Variants in APTX observed in about 807,000 individuals in gnomAD.
The protein encoded by APTX is forkhead-associated domain histidine triad-like protein.
In APTX, 33 loss-of-function variants were observed where a neutral mutation model predicts 42.3. That is an observed-to-expected ratio of 0.78 (90% CI 0.59 to 1.04). The LOEUF is 1.04. Among genes scored for constraint, APTX ranks in the 50% least tolerant of loss-of-function variants. The probability of loss-of-function intolerance (pLI) is 0.00; values close to 1 mark genes in which losing one functional copy is unlikely to be tolerated. For synonymous variants in APTX, 130 were observed against 146.7 expected (o/e 0.89, Z 0.82); for missense variants, 421 against 415.1 (o/e 1.01, Z -0.12).
chr9:32,989,622 G>A (rs1322920858), intron 2 of APTX, 137 bp downstream of exon 2: 2 of 1,323,106 alleles, frequency 1.5e-6, no homozygotes, highest in South Asian at 1.2e-5. Context: ...CCTGGTGTTG[G>A]CTAAAAGAGC....
chr9:32,995,559 C>G lies in APTX; in HGVS notation c.-4-5664G>C, dbSNP rs138700129. Among the ~76,000 whole-genome samples, 43 of 152,310 alleles carry G rather than the reference C, an allele frequency of 2.8e-4. No homozygotes were observed. The East Asian group carries it at 5.6e-3, about 20-fold the overall frequency. ...AGAAAACGGTCTCTTGAGATGAAAT[C>G]TATTCCTGATGAAGATGTAATGAAC... is the stretch of plus-strand genomic sequence containing the variant. On this transcript the variant is annotated intron_variant, in intron 1 of 7. Coordinates refer to ENST00000379817, the MANE Select transcript of APTX (RefSeq NM_001195248.2).
In APTX at chr9:32,973,568, T is replaced by A. The variant is rs1424953679; in HGVS notation, c.959A>T (p.His320Leu). 3.1e-5 allele frequency: 50 copies of A among 1,613,920 alleles called. No individual in the cohort carries two copies. The highest frequency in any genetic ancestry group is 4.2e-5 in the Non-Finnish European group (50 of 1,179,992). ...GGAAGGCAGCAGCTGCTGGCACTCA[T>A]GACAACGAAGGGGCAGCTTCAAGAG... ...PELLKLPLRC[H>L]ECQQLLPSIP... Residue 320 changes from histidine (H) to leucine (L), a missense_variant, in exon 8 of 8, where the codon CAT becomes CTT. His to Leu is a moderately conservative substitution (Grantham distance 99, BLOSUM62 -3). Coordinates refer to ENST00000379817, the MANE Select transcript of APTX (RefSeq NM_001195248.2).
chr9:32,998,475 GC>G (rs545950471), intron 1 of APTX, among the ~76,000 whole-genome samples: 2 of 152,106 alleles, frequency 1.3e-5, no homozygotes, highest in Non-Finnish European at 2.9e-5. Flanking sequence ...CAACCCAAAT[GC>G]CCATCAATGA....
chr9:33,000,591 T>C (rs140230717), intron 1 of APTX, among the ~76,000 whole-genome samples: 10,371 of 126,424 alleles, frequency 0.082, 506 homozygotes, highest in Non-Finnish European at 0.11. Context: ...ACGCCGTTGC[T>C]CTCCAGCCTG....
chr9:33,023,720 G>A (rs1291911278), intron 1 of APTX, among the ~76,000 whole-genome samples: 1 of 152,246 alleles, frequency 6.6e-6, no homozygotes, highest in South Asian at 2.1e-4. Context: ...ATGGGAAACT[G>A]CGGATAGTTC....
At chr9:33,018,192 C>A (rs11788321) in intron 1 of APTX, among the ~76,000 whole-genome samples, 10,571 of 150,892 alleles carry the variant, frequency 0.07, 502 homozygotes, top group Non-Finnish European at 0.11. Context: ...CTTACTGCAA[C>A]CTCTGCCTGC....
intron 1 of APTX, chr9:33,001,211 G>C: frequency 9.4e-7 from 1 of 1,063,054 alleles, no homozygotes; most frequent in Non-Finnish European, 1.3e-6. Context: ...TCCCTCAAGT[G>C]CCTTTCACGA....
Position 32,976,239 on chromosome 9 carries a change from G to A in APTX, c.771-1678C>T, listed in dbSNP as rs572056721. Among the ~76,000 whole-genome samples, 13 of 151,582 alleles carry A rather than the reference G, an allele frequency of 8.6e-5. 2 individuals carry two copies. In the South Asian group the frequency reaches 2.5e-3, roughly 29 times the overall value. On this transcript the variant is annotated intron_variant, in intron 6 of 7. Coordinates refer to ENST00000379817, the MANE Select transcript of APTX (RefSeq NM_001195248.2). ...ACCGGGGCCTGTCAGGGGGGTGGGGGGCTCGGGGAGGGACAACATTAAGAG... is the reference window on the plus strand; with the variant it reads ...ACCGGGGCCTGTCAGGGGGGTGGGGAGCTCGGGGAGGGACAACATTAAGAG...
chr9:32,999,995 A>AGGT (rs1835883693), intron 1 of APTX, among the ~76,000 whole-genome samples: 1 of 152,166 alleles, frequency 6.6e-6, no homozygotes, highest in Non-Finnish European at 1.5e-5. Flanking sequence ...AACAAAGAGT[A>AGGT]GGTGTCTGGG....
chr9:33,013,760 C>T (rs566350201), intron 1 of APTX, among the ~76,000 whole-genome samples: 5 of 152,144 alleles, frequency 3.3e-5, no homozygotes, highest in Non-Finnish European at 5.9e-5. Flanking sequence ...GCCGAGATTG[C>T]GCCACTGCAC....
chr9:32,984,564 C>G (rs966404903), intron 6 of APTX, 67 bp downstream of exon 6: 3 of 1,519,274 alleles, frequency 2.0e-6, no homozygotes, highest in Non-Finnish European at 2.7e-6. Context: ...CCTCAGCAAG[C>G]CCAGGCTGAA....
intron 4 of APTX, among the ~76,000 whole-genome samples, chr9:32,986,320 C>T (rs538530829): frequency 6.6e-6 from 1 of 152,174 alleles, no homozygotes; most frequent in South Asian, 2.1e-4. Context: ...CTCAGCCTCC[C>T]AAGTAGCTGG....
chr9:32,998,240 G>A (rs1156269659), intron 1 of APTX, among the ~76,000 whole-genome samples: 5 of 152,132 alleles, frequency 3.3e-5, no homozygotes, highest in Non-Finnish European at 7.3e-5. Context: ...TCAATTTGGG[G>A]GCATGTAGGA....
intron 4 of APTX, among the ~76,000 whole-genome samples, chr9:32,987,116 C>A (rs1184125056): frequency 1.3e-5 from 2 of 152,222 alleles, no homozygotes; most frequent in Non-Finnish European, 2.9e-5. Context: ...ACCCAGCCAG[C>A]CTTCCTATAT....
At chr9:33,016,139 A>G (rs915606775) in intron 1 of APTX, 1 of 152,230 alleles carries the variant, frequency 6.6e-6, no homozygotes, top group Non-Finnish European at 1.5e-5. Flanking sequence ...GTTCAGTCTC[A>G]TATCTGTGCA....
intron 1 of APTX, among the ~76,000 whole-genome samples, chr9:33,013,658 T>C (rs1837695988): frequency 6.6e-6 from 1 of 151,990 alleles, no homozygotes; most frequent in Non-Finnish European, 1.5e-5. Flanking sequence ...TACAAAAAAA[T>C]TAGCCGGGCA....
In APTX at chr9:32,973,287, C is replaced by A; in HGVS notation, c.*211G>T. 1.5e-6 allele frequency: 1 copy of A among 668,424 alleles called. No homozygotes were observed. The highest frequency in any genetic ancestry group is 2.7e-6 in the Non-Finnish European group (1 of 369,924). The allele number at this position is 668,424 out of a possible 1,614,324, so 41.4% of individuals were successfully genotyped here. On this transcript the variant is annotated 3_prime_UTR_variant, in exon 8 of 8. Transcript: ENST00000379817. ...GTCAGGTATATCCCAGCCACCCTCA[C>A]CAGAGAATACATCTATGACAAACCC... is the stretch of plus-strand genomic sequence containing the variant.
chr9:33,010,320 C>G (rs1308424633), intron 1 of APTX, among the ~76,000 whole-genome samples: 2 of 152,242 alleles, frequency 1.3e-5, no homozygotes, highest in Non-Finnish European at 2.9e-5. Context: ...CAAAGCAACT[C>G]TAGCTCTCCA....
chr9:33,002,153 G>A (rs150642277), upstream of APTX, among the ~76,000 whole-genome samples: 7 of 152,238 alleles, frequency 4.6e-5, no homozygotes, highest in East Asian at 1.2e-3. Flanking sequence ...GCAGGGATAA[G>A]ATGCGTGTAC....
Sources: allele counts gnomAD v4.1 joint callset (sites outside exome capture counted in the v4.1 genomes callset), GRCh38; gene constraint gnomAD v4.1.1; transcripts MANE v1.5; gene names NCBI Gene and HGNC (gene_info 2026-07-23, HGNC 2026-07-21).